SGCZ: variants seen among roughly 807,000 people sequenced by gnomAD.
SGCZ encodes zeta-sarcoglycan.
A neutral mutation model predicts 41.3 loss-of-function variants in SGCZ; 40 were observed. The ratio of observed to expected loss-of-function variants is 0.97; its 90% CI spans 0.75 to 1.26. SGCZ has a LOEUF of 1.26. SGCZ is among the 50% of genes most tolerant of loss of function. The pLI is 0.00. For missense variants in SGCZ, 552 were observed against 369.8 expected (o/e 1.49, Z -4.04); for synonymous variants, 206 against 137.5 (o/e 1.50, Z -3.49).
At chr8:15,036,912 T>C (rs541160214) in intron 1 of SGCZ, among the ~76,000 whole-genome samples, 53 of 152,240 alleles carry the variant, frequency 3.5e-4, no homozygotes, top group African/African-American at 1.3e-3. Context: ...GTAGGGTTTA[T>C]CCGAGGAATA....
At chr8:14,903,736 G>C (rs993315440) in intron 1 of SGCZ, among the ~76,000 whole-genome samples, 2 of 152,106 alleles carry the variant, frequency 1.3e-5, no homozygotes, top group South Asian at 2.1e-4. Flanking sequence ...TATAGGGACA[G>C]TCAGAGTACA....
At chr8:14,484,532 A>G (rs575969273) in intron 2 of SGCZ, among the ~76,000 whole-genome samples, 29 of 152,306 alleles carry the variant, frequency 1.9e-4, no homozygotes, top group Admixed American at 1.6e-3. Context: ...TTTTTTACAC[A>G]CATAGAACAA....
chr8:14,746,403 T>C (rs1799342064), intron 1 of SGCZ, among the ~76,000 whole-genome samples: 1 of 152,174 alleles, frequency 6.6e-6, no homozygotes, highest in African/African-American at 2.4e-5. Flanking sequence ...AAGTCCACTA[T>C]TGCATTTAGT....
chr8:14,822,385 T>C (rs1054011942), intron 1 of SGCZ, among the ~76,000 whole-genome samples: 1 of 152,178 alleles, frequency 6.6e-6, no homozygotes, highest in South Asian at 2.1e-4. Flanking sequence ...ACTGGAAGAA[T>C]TAACATTGTT....
chr8:14,388,856 T>C (rs1201709477), intron 2 of SGCZ, among the ~76,000 whole-genome samples: 1 of 148,712 alleles, frequency 6.7e-6, no homozygotes, highest in South Asian at 2.1e-4. Context: ...AAAAAGAAAA[T>C]GAAGCACTGT....
At chr8:14,296,086 C>G (rs1181455489) in intron 3 of SGCZ, among the ~76,000 whole-genome samples, 1 of 152,052 alleles carries the variant, frequency 6.6e-6, no homozygotes, top group Admixed American at 6.6e-5. Flanking sequence ...ACAGAAAAGC[C>G]AAACATGAAG....
chr8:14,327,428 C>T (rs1264811048), intron 2 of SGCZ, among the ~76,000 whole-genome samples: 1 of 152,146 alleles, frequency 6.6e-6, no homozygotes, highest in Non-Finnish European at 1.5e-5. Flanking sequence ...TTCTTAAATG[C>T]CTGCTGGGAG....
intron 3 of SGCZ, among the ~76,000 whole-genome samples, chr8:14,271,245 G>A (rs34346379): frequency 0.26 from 39,114 of 151,612 alleles, 6,448 homozygotes; most frequent in Non-Finnish European, 0.37. Flanking sequence ...TCTAATAAAG[G>A]AAATCTTAAA....
chr8:15,075,073 T>G (rs1487518284), intron 1 of SGCZ, among the ~76,000 whole-genome samples: 1 of 152,194 alleles, frequency 6.6e-6, no homozygotes, highest in Non-Finnish European at 1.5e-5. Flanking sequence ...GTCAATCACT[T>G]TATTCTTTTG....
At chr8:14,243,234 T>G (rs1015544649) in intron 3 of SGCZ, among the ~76,000 whole-genome samples, 1 of 152,204 alleles carries the variant, frequency 6.6e-6, no homozygotes, top group Non-Finnish European at 1.5e-5. Context: ...GAAGTTTGTA[T>G]AGTTTACAAG....
chr8:15,216,408 G>T (rs912558069), intron 1 of SGCZ, among the ~76,000 whole-genome samples: 1 of 151,708 alleles, frequency 6.6e-6, no homozygotes, highest in Non-Finnish European at 1.5e-5. Context: ...TTTTAGTAGA[G>T]ACGGAGTTTC....
rs1436217114 is a variant in SGCZ, at chr8:15,082,995, A to C, written c.39+154590T>G. Reference sequence around the variant, plus strand: ...CTGATTTTACCTTCTTTATTCATTGAATTTACTACAGACAAATTTCTGCAT... The same window carrying C: ...CTGATTTTACCTTCTTTATTCATTGCATTTACTACAGACAAATTTCTGCAT... On this transcript the variant is annotated intron_variant, in intron 1 of 7. Coordinates refer to ENST00000382080, the MANE Select transcript of SGCZ (RefSeq NM_139167.4). Among the ~76,000 whole-genome samples the C allele has an allele frequency of 2.0e-5, 3 of 150,922 alleles. No individual in the cohort carries two copies. The East Asian group carries it at 5.8e-4, about 29-fold the overall frequency.
intron 2 of SGCZ, among the ~76,000 whole-genome samples, chr8:14,342,728 G>A (rs1802753408): frequency 6.6e-6 from 1 of 152,154 alleles, no homozygotes; most frequent in African/African-American, 2.4e-5. Flanking sequence ...TATGCAGGCT[G>A]ATTATGTGAT....
intron 4 of SGCZ, among the ~76,000 whole-genome samples, chr8:14,192,928 C>A (rs1385543543): frequency 6.6e-6 from 1 of 151,932 alleles, no homozygotes; most frequent in African/African-American, 2.4e-5. Context: ...GTGTACATGT[C>A]CGTGTATATT....
chr8:14,511,367 G>T (rs926724551), intron 2 of SGCZ, among the ~76,000 whole-genome samples: 60 of 151,862 alleles, frequency 4.0e-4, no homozygotes, highest in African/African-American at 1.4e-3. Flanking sequence ...TTCCCAATAG[G>T]CCCACTGCAC....
intron 1 of SGCZ, among the ~76,000 whole-genome samples, chr8:14,950,724 A>G (rs193051746): frequency 6.6e-6 from 1 of 152,192 alleles, no homozygotes; most frequent in East Asian, 1.9e-4. Context: ...GAGCCAAAGT[A>G]AAACATAAAG....
chr8:14,982,527 G>A (rs968475002), intron 1 of SGCZ, among the ~76,000 whole-genome samples: 1 of 152,102 alleles, frequency 6.6e-6, no homozygotes, highest in South Asian at 2.1e-4. Flanking sequence ...CTCCTCCCAC[G>A]TGATATGCTA....
At chr8:14,112,924 G>GA (rs146950563) in intron 5 of SGCZ, among the ~76,000 whole-genome samples, 35,487 of 151,792 alleles carry the variant, frequency 0.23, 4,339 homozygotes, top group Middle Eastern at 0.28. Flanking sequence ...AACAATACTG[G>GA]AAAAAAATAT....
At chr8:14,410,191 G>A (rs1947705) in intron 2 of SGCZ, among the ~76,000 whole-genome samples, 1 of 151,962 alleles carries the variant, frequency 6.6e-6, no homozygotes, top group African/African-American at 2.4e-5. Context: ...ATGATCTGAG[G>A]TGGAACATTT....
Sources: allele counts gnomAD v4.1 joint callset (sites outside exome capture counted in the v4.1 genomes callset), GRCh38; gene constraint gnomAD v4.1.1; transcripts MANE v1.5; gene names NCBI Gene and HGNC (gene_info 2026-07-23, HGNC 2026-07-21).